UBTFL1: variants seen among roughly 807,000 people sequenced by gnomAD.
UBTFL1 encodes upstream binding transcription factor like 1.
Under a neutral mutation model 34.1 loss-of-function variants are expected in UBTFL1, and 9 were observed. That is an observed-to-expected ratio of 0.26 (90% CI 0.16 to 0.46). The LOEUF is 0.46. Among genes scored for constraint, UBTFL1 ranks in the 20% least tolerant of loss-of-function variants. UBTFL1 has a pLI of 1.00. For synonymous variants in UBTFL1, 56 were observed against 141.6 expected (o/e 0.40, Z 4.29); for missense variants, 146 against 418.4 (o/e 0.35, Z 5.68).
In UBTFL1 at chr11:90,086,146, A is replaced by C; in HGVS notation, c.197A>C (p.Asn66Thr). 6.5e-7 allele frequency: 1 copy of C among 1,534,450 alleles called. No homozygotes were observed. Among genetic ancestry groups the C allele is most frequent in the Non-Finnish European group, 8.8e-7 (1 of 1,130,176 alleles). Reference protein sequence around the residue: ...CRLKWLEISCNLRKFGTLKEL... With the variant: ...CRLKWLEISCTLRKFGTLKEL... ...CTCAAATGGTTAGAGATTTCTTGCA[A>C]CTTGAGAAAATTCGGCACTTTGAAA... The change falls in exon 1 of 1, where the codon AAC (asparagine) becomes ACC (threonine). Residue 66 changes from asparagine (N) to threonine (T), a missense_variant. Asn to Thr is a moderately conservative substitution (Grantham distance 65). Coordinates refer to ENST00000530464, the MANE Select transcript of UBTFL1 (RefSeq NM_001143975.1).
In UBTFL1 at chr11:90,086,779, A is replaced by G. The variant is rs1951028032; in HGVS notation, c.830A>G (p.Gln277Arg). 1 of 1,557,128 alleles carries G rather than the reference A, an allele frequency of 6.4e-7. No homozygotes were observed. Among genetic ancestry groups the G allele is most frequent in the African/African-American group, 1.4e-5 (1 of 73,218 alleles). Residue 277 changes from glutamine (Q) to arginine (R), a missense_variant, in exon 1 of 1, where the codon CAG becomes CGG. Physicochemically the swap from Gln to Arg is conservative, Grantham distance 43. This residue lies in a region of UBTFL1 where 36 missense variants were observed against 93.7 expected (regional missense o/e 0.38). Coordinates refer to ENST00000530464, the MANE Select transcript of UBTFL1 (RefSeq NM_001143975.1). ...TTTAAGAGCCAGGCTGAGGAGCTGC[A>G]GAAGCAATACAAGGTGAAATTGGAT... ...DHFKSQAEELQKQYKVKLDLW... is the reference protein window; with the variant it reads ...DHFKSQAEELRKQYKVKLDLW...
In UBTFL1 at chr11:90,086,365, G is replaced by A. The variant is rs569579266; in HGVS notation, c.416G>A (p.Arg139Lys). The change falls in exon 1 of 1, where the codon AGG (arginine) becomes AAG (lysine). Residue 139 changes from arginine to lysine, a missense_variant. Physicochemically the swap from Arg to Lys is conservative, Grantham distance 26. This residue lies in a region of UBTFL1 where 82 missense variants were observed against 133.3 expected (regional missense o/e 0.62). Coordinates refer to ENST00000530464, the MANE Select transcript of UBTFL1 (RefSeq NM_001143975.1). ...ACCAAAATCCTGTCAAAGAAATACA[G>A]GGAACTCCCAGAGCAGATGAAACAG... Reference protein sequence around the residue: ...ELTKILSKKYRELPEQMKQKY... With the variant: ...ELTKILSKKYKELPEQMKQKY... 14 of 1,520,412 alleles carry A rather than the reference G, an allele frequency of 9.2e-6. 2 individuals carry two copies. The African/African-American group carries it at 1.7e-4, about 18-fold the overall frequency. 94.2% of individuals were successfully genotyped at this position (1,520,412 alleles called of 1,614,324 possible). A position where few individuals can be genotyped will look rare whatever the true frequency, so the allele number is the denominator to read the frequency against.
chr11:90,086,076 T>A lies in UBTFL1; in HGVS notation c.127T>A (p.Trp43Arg). ...TFSSTQSHMD[W>R]GKVAFKNFSG... ...TAGCTCAACTCAGTCACACATGGAC[T>A]GGGGAAAAGTAGCTTTTAAAAACTT... The change falls in exon 1 of 1, where the codon TGG becomes AGG. Residue 43 changes from tryptophan (W) to arginine (R), a missense_variant. Physicochemically the swap from Trp to Arg is moderately radical, Grantham distance 101. Around this residue, in one of 6 missense-constraint regions of UBTFL1, gnomAD observed 22 missense variants for 55.9 expected, o/e 0.39. Transcript: ENST00000530464. The A allele has an allele frequency of 1.3e-6, 2 of 1,572,728 alleles. No homozygotes were observed. Among genetic ancestry groups the A allele is most frequent in the Non-Finnish European group, 1.7e-6 (2 of 1,160,636 alleles).
rs753837733 is a variant in UBTFL1 at position 90,085,979 on chromosome 11, G to C, written c.30G>C (p.Trp10Cys). 4.8e-6 allele frequency: 7 copies of C among 1,461,840 alleles called. No homozygotes were observed. Among genetic ancestry groups the C allele is most frequent in the Non-Finnish European group, 5.6e-6 (6 of 1,066,718 alleles). 90.6% of individuals were successfully genotyped at this position (1,461,840 alleles called of 1,614,324 possible). A position where few individuals can be genotyped will look rare whatever the true frequency, so the allele number is the denominator to read the frequency against. Residue 10 changes from tryptophan (W) to cysteine (C), a missense_variant, in exon 1 of 1, where the codon TGG becomes TGC. Trp to Cys is a radical substitution (Grantham distance 215). Coordinates refer to ENST00000530464, the MANE Select transcript of UBTFL1 (RefSeq NM_001143975.1). MALPRSQGHWSNKDILRLLE... is the reference protein window; with the variant it reads MALPRSQGHCSNKDILRLLE... ...CTTTGCCTAGAAGCCAAGGCCATTGGTCCAACAAAGACATCTTGAGGTTAC... is the reference window on the plus strand; with the variant it reads ...CTTTGCCTAGAAGCCAAGGCCATTGCTCCAACAAAGACATCTTGAGGTTAC...
At position 90,086,172 on chromosome 11, in the gene UBTFL1, G is replaced by C. The variant is rs1456688081; in HGVS notation, c.223G>C (p.Glu75Gln). The C allele has an allele frequency of 3.9e-6, 6 of 1,533,518 alleles. No individual in the cohort carries two copies. The highest frequency in any genetic ancestry group is 5.3e-6 in the Non-Finnish European group (6 of 1,130,010). The allele number at this position is 1,533,518 out of a possible 1,614,324, so 95.0% of individuals were successfully genotyped here. Residue 75 changes from glutamate (E) to glutamine (Q), a missense_variant, in exon 1 of 1, where the codon GAA (glutamate) becomes CAA (glutamine). Glu to Gln is a conservative substitution (Grantham distance 29, BLOSUM62 2). Transcript: ENST00000530464. ...CNLRKFGTLK[E>Q]LVLEAKKCVK... ...CTTGAGAAAATTCGGCACTTTGAAA[G>C]AATTAGTCCTGGAAGCTAAGAAATG...
chr11:90,086,400 C>A lies in UBTFL1; in HGVS notation c.451C>A (p.Gln151Lys). 6.5e-7 allele frequency: 1 copy of A among 1,527,624 alleles called. No individual in the cohort carries two copies. The highest frequency in any genetic ancestry group is 8.8e-7 in the Non-Finnish European group (1 of 1,134,592). The allele number at this position is 1,527,624 out of a possible 1,614,324, so 94.6% of individuals were successfully genotyped here. A position where few individuals can be genotyped will look rare whatever the true frequency, so the allele number is the denominator to read the frequency against. ...LPEQMKQKYI[Q>K]DFRKEKQEFE... ...AGAGCAGATGAAACAGAAATATATT[C>A]AGGATTTCCGGAAGGAAAAGCAAGA... The change falls in exon 1 of 1, where the codon CAG (glutamine) becomes AAG (lysine). Residue 151 changes from glutamine (Q) to lysine (K), a missense_variant. By Grantham distance (53) the Gln-to-Lys change is moderately conservative. Transcript: ENST00000530464.
Position 90,086,268 on chromosome 11 carries a change from T to C in UBTFL1, c.319T>C (p.Tyr107His). 6.5e-7 allele frequency: 1 copy of C among 1,531,408 alleles called. No individual in the cohort carries two copies. Among genetic ancestry groups the C allele is most frequent in the South Asian group, 1.1e-5 (1 of 87,068 alleles). 94.9% of individuals were successfully genotyped at this position (1,531,408 alleles called of 1,614,324 possible). Residue 107 changes from tyrosine to histidine, a missense_variant, in exon 1 of 1, where the codon TAC becomes CAC. By Grantham distance (83) the Tyr-to-His change is moderately conservative. Coordinates refer to ENST00000530464, the MANE Select transcript of UBTFL1 (RefSeq NM_001143975.1). ...CTTTCCAAAGAGGCCCCTTACTGCT[T>C]ACAATCGCTTCTTCAAGGAGAGTTG... The part of the protein sequence containing the change: ...PDFPKRPLTA[Y>H]NRFFKESWPQ...
rs1471683167 is a variant in UBTFL1 at position 90,086,060 on chromosome 11, T to G, written c.111T>G (p.Thr37=). The change falls in exon 1 of 1, where the codon ACT becomes ACG. Residue 37 remains threonine, a synonymous_variant. Transcript: ENST00000530464. ...ATGACAACAGCACGTTTAGCTCAAC[T>G]CAGTCACACATGGACTGGGGAAAAG... ...PSDDNSTFSS[T]QSHMDWGKVA... is the part of the protein sequence containing the mutation. The G allele has an allele frequency of 1.9e-6, 3 of 1,572,548 alleles. No homozygotes were observed. In the African/African-American group the frequency reaches 4.1e-5, roughly 21 times the overall value.
chr11:90,086,433 G>A lies in UBTFL1; in HGVS notation c.484G>A (p.Glu162Lys), dbSNP rs759146588. 6 of 1,523,224 alleles carry A rather than the reference G, an allele frequency of 3.9e-6. 1 individual carries two copies. The highest frequency in any genetic ancestry group is 1.4e-5 in the African/African-American group (1 of 71,244). 94.4% of individuals were successfully genotyped at this position (1,523,224 alleles called of 1,614,324 possible). The change falls in exon 1 of 1, where the codon GAA becomes AAA. Residue 162 changes from glutamate to lysine, a missense_variant. Coordinates refer to ENST00000530464, the MANE Select transcript of UBTFL1 (RefSeq NM_001143975.1). ...DFRKEKQEFEEKLARFREEHP... is the reference protein window; with the variant it reads ...DFRKEKQEFEKKLARFREEHP... ...CCGGAAGGAAAAGCAAGAATTTGAG[G>A]AAAAACTTGCTCGATTCAGGGAAGA...
rs756873672 is a variant in UBTFL1 at position 90,087,094 on chromosome 11, ACTG to A, written c.1147_1149del (p.Cys383del). ...AAGGAAGAAAGCAGTAACTCTTCAGACTGCAGCAGTGGAGAAGAAATAGAAGTT... is the reference window on the plus strand; with the variant it reads ...AAGGAAGAAAGCAGTAACTCTTCAGACAGCAGTGGAGAAGAAATAGAAGTT... On this transcript the variant is annotated inframe_deletion, in exon 1 of 1. Transcript: ENST00000530464. The A allele has an allele frequency of 4.5e-4, 255 of 570,930 alleles. 4 individuals carry two copies. The highest frequency in any genetic ancestry group is 4.4e-3 in the African/African-American group (220 of 50,354). 35.4% of individuals were successfully genotyped at this position (570,930 alleles called of 1,614,324 possible).
chr11:90,085,972 G>A lies in UBTFL1; in HGVS notation c.23G>A (p.Gly8Asp). The A allele has an allele frequency of 6.3e-6, 9 of 1,429,888 alleles. No homozygotes were observed. The highest frequency in any genetic ancestry group is 8.7e-6 in the Non-Finnish European group (9 of 1,038,984). The allele number at this position is 1,429,888 out of a possible 1,614,324, so 88.6% of individuals were successfully genotyped here. Residue 8 changes from glycine to aspartate, a missense_variant, in exon 1 of 1, where the codon GGC becomes GAC. Physicochemically the swap from Gly to Asp is moderately conservative, Grantham distance 94. Around this residue, in one of 6 missense-constraint regions of UBTFL1, gnomAD observed 22 missense variants for 55.9 expected, o/e 0.39. Coordinates refer to ENST00000530464, the MANE Select transcript of UBTFL1 (RefSeq NM_001143975.1). The part of the protein sequence containing the change: MALPRSQ[G>D]HWSNKDILRL... ...TAAATGGCTTTGCCTAGAAGCCAAG[G>A]CCATTGGTCCAACAAAGACATCTTG...
In UBTFL1 at chr11:90,085,999, G is replaced by C. The variant is rs1590929242; in HGVS notation, c.50G>C (p.Arg17Thr). 3 of 1,512,494 alleles carry C rather than the reference G, an allele frequency of 2.0e-6. No homozygotes were observed. Among genetic ancestry groups the C allele is most frequent in the Non-Finnish European group, 2.7e-6 (3 of 1,109,182 alleles). 93.7% of individuals were successfully genotyped at this position (1,512,494 alleles called of 1,614,324 possible). Residue 17 changes from arginine to threonine, a missense_variant, in exon 1 of 1, where the codon AGG becomes ACG. Physicochemically the swap from Arg to Thr is moderately conservative, Grantham distance 71. Around this residue, in one of 6 missense-constraint regions of UBTFL1, gnomAD observed 22 missense variants for 55.9 expected, o/e 0.39. Transcript: ENST00000530464. ...CATTGGTCCAACAAAGACATCTTGA[G>C]GTTACTGGAATGCATGGAGAATAAT... ...QGHWSNKDIL[R>T]LLECMENNRP...
the UBTFL1 span, chr11:90,086,307 C>T: frequency 1.4e-5 from 22 of 1,519,250 alleles, 3 homozygotes; most frequent in Admixed American, 4.5e-5. Context: ...CCAGTACTCC[C>T]AAATGTACCC....
At position 90,086,317 on chromosome 11, in the gene UBTFL1, C is replaced by G; in HGVS notation, c.368C>G (p.Pro123Arg). 6.6e-7 allele frequency: 1 copy of G among 1,515,358 alleles called. No individual in the cohort carries two copies. Among genetic ancestry groups the G allele is most frequent in the Non-Finnish European group, 8.9e-7 (1 of 1,123,104 alleles). The allele number at this position is 1,515,358 out of a possible 1,614,324, so 93.9% of individuals were successfully genotyped here. Residue 123 changes from proline (P) to arginine (R), a missense_variant, in exon 1 of 1, where the codon CCT becomes CGT. By Grantham distance (103) the Pro-to-Arg change is moderately radical. This residue lies in a region of UBTFL1 where 82 missense variants were observed against 133.3 expected (regional missense o/e 0.62). Coordinates refer to ENST00000530464, the MANE Select transcript of UBTFL1 (RefSeq NM_001143975.1). Reference sequence around the variant, plus strand: ...TGGCCCCAGTACTCCCAAATGTACCCTGGGATGAGAAGCCAGGAACTGACC... The same window carrying G: ...TGGCCCCAGTACTCCCAAATGTACCGTGGGATGAGAAGCCAGGAACTGACC... ...ESWPQYSQMYPGMRSQELTKI... is the reference protein window; with the variant it reads ...ESWPQYSQMYRGMRSQELTKI...
Position 90,086,000 on chromosome 11 carries a change from G to A in UBTFL1, c.51G>A (p.Arg17=), listed in dbSNP as rs758166516. The A allele has an allele frequency of 2.6e-5, 39 of 1,520,190 alleles. 2 individuals are homozygous for A. The highest frequency in any genetic ancestry group is 6.8e-5 in the African/African-American group (5 of 73,508). 94.2% of individuals were successfully genotyped at this position (1,520,190 alleles called of 1,614,324 possible). A position where few individuals can be genotyped will look rare whatever the true frequency, so the allele number is the denominator to read the frequency against. The part of the protein sequence containing the change: ...QGHWSNKDIL[R]LLECMENNRP... The stretch of plus-strand genomic sequence containing the variant: ...ATTGGTCCAACAAAGACATCTTGAG[G>A]TTACTGGAATGCATGGAGAATAATC... Residue 17 remains arginine (R), a synonymous_variant, in exon 1 of 1, where the codon AGG becomes AGA. Coordinates refer to ENST00000530464, the MANE Select transcript of UBTFL1 (RefSeq NM_001143975.1).
Position 90,086,719 on chromosome 11 carries a change from G to A in UBTFL1, c.770G>A (p.Arg257His). 2 of 1,514,084 alleles carry A rather than the reference G, an allele frequency of 1.3e-6. No individual in the cohort carries two copies. The highest frequency in any genetic ancestry group is 1.8e-6 in the Non-Finnish European group (2 of 1,126,984). The allele number at this position is 1,514,084 out of a possible 1,614,324, so 93.8% of individuals were successfully genotyped here. A position where few individuals can be genotyped will look rare whatever the true frequency, so the allele number is the denominator to read the frequency against. The change falls in exon 1 of 1, where the codon CGC becomes CAC. Residue 257 changes from arginine to histidine, a missense_variant. Coordinates refer to ENST00000530464, the MANE Select transcript of UBTFL1 (RefSeq NM_001143975.1). ...VRERMVEIGR[R>H]WQRIPQSQKD... ...GAGCGCATGGTAGAGATTGGCAGAC[G>A]CTGGCAGCGCATCCCGCAGAGCCAG...
At position 90,086,228 on chromosome 11, in the gene UBTFL1, C is replaced by T. The variant is rs755717421; in HGVS notation, c.279C>T (p.Tyr93=). Residue 93 remains tyrosine (Y), a synonymous_variant, in exon 1 of 1, where the codon TAC becomes TAT. Transcript: ENST00000530464. The part of the protein sequence containing the change: ...CVKKMNKSQK[Y]RNGPDFPKRP... ...AAAAGATGAACAAAAGCCAAAAATA[C>T]AGGAACGGTCCAGACTTTCCAAAGA... 1.9e-5 allele frequency: 30 copies of T among 1,549,310 alleles called. 1 individual carries two copies. Among genetic ancestry groups the T allele is most frequent in the Non-Finnish European group, 2.6e-5 (30 of 1,147,766 alleles).
Position 90,086,401 on chromosome 11 carries a change from A to T in UBTFL1, c.452A>T (p.Gln151Leu). Residue 151 changes from glutamine to leucine, a missense_variant, in exon 1 of 1, where the codon CAG (glutamine) becomes CTG (leucine). Physicochemically the swap from Gln to Leu is moderately radical, Grantham distance 113. This residue lies in a region of UBTFL1 where 82 missense variants were observed against 133.3 expected (regional missense o/e 0.62). Coordinates refer to ENST00000530464, the MANE Select transcript of UBTFL1 (RefSeq NM_001143975.1). ...GAGCAGATGAAACAGAAATATATTC[A>T]GGATTTCCGGAAGGAAAAGCAAGAA... ...LPEQMKQKYI[Q>L]DFRKEKQEFE... is the part of the protein sequence containing the mutation. 6.5e-7 allele frequency: 1 copy of T among 1,528,314 alleles called. No homozygotes were observed. Among genetic ancestry groups the T allele is most frequent in the Non-Finnish European group, 8.8e-7 (1 of 1,134,916 alleles). 94.7% of individuals were successfully genotyped at this position (1,528,314 alleles called of 1,614,324 possible).
At position 90,086,295 on chromosome 11, in the gene UBTFL1, C is replaced by A. The variant is rs1199693732; in HGVS notation, c.346C>A (p.Pro116Thr). ...CAATCGCTTCTTCAAGGAGAGTTGG[C>A]CCCAGTACTCCCAAATGTACCCTGG... ...AYNRFFKESWPQYSQMYPGMR... is the reference protein window; with the variant it reads ...AYNRFFKESWTQYSQMYPGMR... The change falls in exon 1 of 1, where the codon CCC becomes ACC. Residue 116 changes from proline to threonine, a missense_variant. Transcript: ENST00000530464. 2.6e-6 allele frequency: 4 copies of A among 1,522,020 alleles called. No homozygotes were observed. In the South Asian group the frequency reaches 3.5e-5, roughly 13 times the overall value. 94.3% of individuals were successfully genotyped at this position (1,522,020 alleles called of 1,614,324 possible).
Sources: allele counts gnomAD v4.1 joint callset, GRCh38; gene constraint gnomAD v4.1.1; regional missense constraint gnomAD v4.1.1; transcripts MANE v1.5; gene names NCBI Gene and HGNC (gene_info 2026-07-23, HGNC 2026-07-21).